The following TENM4 variants were observed in gnomAD, a reference collection of about 807,000 sequenced individuals.
The protein encoded by TENM4 is teneurin-4.
In TENM4, 82 loss-of-function variants were observed where a neutral mutation model predicts 243.3. The ratio of observed to expected loss-of-function variants is 0.34; its 90% CI spans 0.28 to 0.40. The LOEUF is 0.40. Among genes scored for constraint, TENM4 ranks in the 10% least tolerant of loss-of-function variants. The pLI, the probability that TENM4 is intolerant of heterozygous loss-of-function variation, is 1.00. For synonymous variants in TENM4, 1,412 were observed against 1,456.3 expected (o/e 0.97, Z 0.69); for missense variants, 3,138 against 3,673.3 (o/e 0.85, Z 3.77).
chr11:79,252,300 T>A (rs752016230), intron 2 of TENM4, among the ~76,000 whole-genome samples: 8 of 152,238 alleles, frequency 5.3e-5, no homozygotes, highest in African/African-American at 7.2e-5. Flanking sequence ...AGTGGCGCGA[T>A]CTTGGCTCAC....
chr11:79,378,980 C>A (rs1332417213), intron 1 of TENM4, among the ~76,000 whole-genome samples: 2 of 151,548 alleles, frequency 1.3e-5, no homozygotes, highest in South Asian at 2.1e-4. Context: ...CTTCTGCATT[C>A]TTTCTGCAAA....
intron 2 of TENM4, among the ~76,000 whole-genome samples, chr11:79,249,857 T>G (rs1374695625): frequency 6.6e-6 from 1 of 152,220 alleles, no homozygotes; most frequent in Non-Finnish European, 1.5e-5. Flanking sequence ...ACTATTCCAG[T>G]AACTGGCACC....
At chr11:79,236,080 C>T (rs919015935) in intron 2 of TENM4, among the ~76,000 whole-genome samples, 9 of 152,152 alleles carry the variant, frequency 5.9e-5, no homozygotes, top group South Asian at 2.1e-4. Flanking sequence ...TCAGGGTTCA[C>T]GGTCCCTGGC....
At chr11:78,662,067 T>G (rs1290781393) in intron 32 of TENM4, among the ~76,000 whole-genome samples, 1 of 152,176 alleles carries the variant, frequency 6.6e-6, no homozygotes, top group Non-Finnish European at 1.5e-5. Flanking sequence ...TAATTAGAGC[T>G]TCAGGGTCAA....
intron 1 of TENM4, among the ~76,000 whole-genome samples, chr11:79,376,165 A>G (rs898496216): frequency 3.3e-5 from 5 of 152,230 alleles, no homozygotes; most frequent in Non-Finnish European, 2.9e-5. Context: ...AACGCATCCA[A>G]TGGAAGACAA....
intron 1 of TENM4, among the ~76,000 whole-genome samples, chr11:79,419,440 G>GT (rs1858885364): frequency 6.6e-6 from 1 of 152,212 alleles, no homozygotes; most frequent in South Asian, 2.1e-4. Context: ...GGATGGATGT[G>GT]TTCCCTCCTG....
rs1857848348 is a variant in TENM4, at chr11:78,654,737, A to G, written c.*3321T>C. The G allele has an allele frequency of 6.7e-6, 1 of 148,468 alleles. No homozygotes were observed. The highest frequency in any genetic ancestry group is 6.7e-5 in the Admixed American group (1 of 14,946). The allele number at this position is 148,468 out of a possible 1,614,324, so 9.2% of individuals were successfully genotyped here. On this transcript the variant is annotated 3_prime_UTR_variant, in exon 34 of 34. Transcript: ENST00000278550. ...GAGAGATGAGGGTCAGAGGCTGACA[A>G]GGCAGTAATTTACCTGCATGCCTTC...
At chr11:79,161,266 T>C (rs1347477348) in intron 3 of TENM4, among the ~76,000 whole-genome samples, 3 of 152,186 alleles carry the variant, frequency 2.0e-5, no homozygotes, top group East Asian at 3.8e-4. Flanking sequence ...TACGTCTTCT[T>C]GAGGATAAAC....
intron 1 of TENM4, among the ~76,000 whole-genome samples, chr11:79,358,950 ATTTT>A (rs202209074): frequency 9.0e-5 from 13 of 144,216 alleles, no homozygotes; most frequent in African/African-American, 7.6e-5. Context: ...GTAAAAAGGC[ATTTT>A]TTTTTTTTTT....
intron 1 of TENM4, among the ~76,000 whole-genome samples, chr11:79,422,483 C>T (rs556948136): frequency 2.6e-5 from 4 of 152,126 alleles, no homozygotes; most frequent in East Asian, 1.9e-4. Context: ...ATATGGGGCC[C>T]CTAATTCATA....
intron 15 of TENM4, among the ~76,000 whole-genome samples, chr11:78,804,575 G>C (rs1004319493): frequency 9.2e-5 from 14 of 152,164 alleles, no homozygotes; most frequent in African/African-American, 3.4e-4. Context: ...GTAAATCATA[G>C]TGTTTTCAAA....
At chr11:78,860,603 T>C (rs185959945) in intron 10 of TENM4, among the ~76,000 whole-genome samples, 4 of 152,320 alleles carry the variant, frequency 2.6e-5, no homozygotes, top group African/African-American at 9.6e-5. Flanking sequence ...ATTTTTAACA[T>C]CACAATGAAA....
chr11:78,741,669 A>C (rs910974629), intron 19 of TENM4, among the ~76,000 whole-genome samples: 1 of 152,212 alleles, frequency 6.6e-6, no homozygotes, highest in African/African-American at 2.4e-5. Flanking sequence ...ACATTTAATA[A>C]TCAGTTCTTG....
intron 6 of TENM4, among the ~76,000 whole-genome samples, chr11:78,962,458 G>C (rs1004496243): frequency 6.6e-6 from 1 of 151,110 alleles, no homozygotes; most frequent in Non-Finnish European, 1.5e-5. Flanking sequence ...CAACGGGAAG[G>C]GGGGGCTCCC....
intron 2 of TENM4, among the ~76,000 whole-genome samples, chr11:79,217,686 T>C (rs4584601): frequency 0.32 from 49,337 of 152,046 alleles, 9,764 homozygotes; most frequent in Non-Finnish European, 0.45. Flanking sequence ...CTGTTGGTAC[T>C]CTCCAGAGAC....
chr11:78,812,878 T>G (rs946990888), intron 13 of TENM4, among the ~76,000 whole-genome samples: 49 of 152,210 alleles, frequency 3.2e-4, no homozygotes, highest in Non-Finnish European at 1.3e-4. Context: ...ATCTTTTCAT[T>G]CTGCCTCTTA....
intron 4 of TENM4, among the ~76,000 whole-genome samples, chr11:79,110,592 A>G (rs914126756): frequency 6.6e-6 from 1 of 152,220 alleles, no homozygotes; most frequent in Non-Finnish European, 1.5e-5. Context: ...GGAGGGAAAG[A>G]AGTCTCTGGA....
chr11:78,769,470 C>A (rs555509031), intron 18 of TENM4, among the ~76,000 whole-genome samples: 1 of 152,318 alleles, frequency 6.6e-6, no homozygotes, highest in African/African-American at 2.4e-5. Context: ...TTTATTAGCA[C>A]TTAACTTTGG....
intron 28 of TENM4, among the ~76,000 whole-genome samples, chr11:78,691,843 C>T (rs771176892): frequency 1.3e-5 from 2 of 152,190 alleles, no homozygotes; most frequent in Non-Finnish European, 2.9e-5. Flanking sequence ...GTCTCCTATT[C>T]ATTCATTGTA....
Sources: allele counts gnomAD v4.1 joint callset (sites outside exome capture counted in the v4.1 genomes callset), GRCh38; gene constraint gnomAD v4.1.1; transcripts MANE v1.5; gene names NCBI Gene and HGNC (gene_info 2026-07-23, HGNC 2026-07-21).